Variants in SMIM14 observed in about 807,000 individuals in gnomAD.
SMIM14 encodes the protein chromosome 4 open reading frame 34.
A neutral mutation model predicts 12.6 loss-of-function variants in SMIM14; 5 were observed. The observed-to-expected ratio is 0.40, with a 90% CI of 0.21 to 0.83. The LOEUF is 0.83. SMIM14 is among the 40% of genes least tolerant of loss of function. The pLI is 0.37. For synonymous variants in SMIM14, 30 were observed against 40.1 expected (o/e 0.75, Z 0.95); for missense variants, 86 against 119.1 (o/e 0.72, Z 1.29).
intron 3 of SMIM14, among the ~76,000 whole-genome samples, chr4:39,560,660 A>G (rs928247161): frequency 6.6e-6 from 1 of 151,878 alleles, no homozygotes; most frequent in African/African-American, 2.4e-5. Context: ...AAACAAAACA[A>G]AATGCAGAAA....
chr4:39,622,660 C>A (rs995535712), intron 1 of SMIM14, among the ~76,000 whole-genome samples: 2 of 152,148 alleles, frequency 1.3e-5, no homozygotes, highest in Non-Finnish European at 2.9e-5. Flanking sequence ...TCTGCCTCCC[C>A]AAGTGTTGGG....
chr4:39,598,430 CAT>C (rs1373729863), intron 2 of SMIM14, among the ~76,000 whole-genome samples: 3 of 152,288 alleles, frequency 2.0e-5, no homozygotes, highest in East Asian at 3.9e-4. Flanking sequence ...TGCTTACCTC[CAT>C]GTCTTTTATA....
intron 2 of SMIM14, among the ~76,000 whole-genome samples, chr4:39,586,668 TAAA>T (rs1713797190): frequency 6.6e-6 from 1 of 152,068 alleles, no homozygotes; most frequent in Non-Finnish European, 1.5e-5. Flanking sequence ...AGCATGCACT[TAAA>T]AACTCTTCCA....
intron 1 of SMIM14, among the ~76,000 whole-genome samples, chr4:39,636,708 ACC>A (rs11323441): frequency 1.3e-5 from 2 of 149,708 alleles, no homozygotes; most frequent in African/African-American, 4.9e-5. Flanking sequence ...TTATAAAACA[ACC>A]CCCCCCCAGT....
chr4:39,632,242 G>T (rs1241741605), intron 1 of SMIM14, among the ~76,000 whole-genome samples: 3 of 152,150 alleles, frequency 2.0e-5, no homozygotes, highest in Admixed American at 6.5e-5. Context: ...TGTAATCCCA[G>T]CACTTTGGGA....
intron 1 of SMIM14, among the ~76,000 whole-genome samples, chr4:39,636,276 G>A (rs573647919): frequency 1.2e-4 from 18 of 150,898 alleles, no homozygotes; most frequent in Non-Finnish European, 2.5e-4. Flanking sequence ...TTGGAATAGA[G>A]TATAACTATG....
At chr4:39,593,684 G>C (rs1714220591) in intron 2 of SMIM14, 1 of 151,820 alleles carries the variant, frequency 6.6e-6, no homozygotes, top group East Asian at 1.9e-4. Context: ...TCCTTAAGCT[G>C]ATAAGCAACT....
At chr4:39,599,857 G>T (rs150888466) in intron 2 of SMIM14, among the ~76,000 whole-genome samples, 1,791 of 151,592 alleles carry the variant, frequency 0.012, 32 homozygotes, top group African/African-American at 0.041. Context: ...GGGAAGCGGA[G>T]GTTGCAGTGA....
In SMIM14 at chr4:39,587,669, G is replaced by A. The variant is rs146234580; in HGVS notation, c.76-15206C>T. ...GCCTGTAATCCTAACACTTTGGGAG[G>A]TCAAGGCAGGAGGAACGCTTGAGCC... is the stretch of plus-strand genomic sequence containing the variant. On this transcript the variant is annotated intron_variant, in intron 2 of 4. Transcript: ENST00000295958. 2.8e-4 allele frequency among the ~76,000 whole-genome samples: 43 copies of A among 152,202 alleles called. 1 individual carries two copies. Among genetic ancestry groups the A allele is most frequent in the African/African-American group, 1.0e-3 (43 of 41,530 alleles).
intron 1 of SMIM14, among the ~76,000 whole-genome samples, chr4:39,629,383 C>T (rs9759532): frequency 1.7e-5 from 2 of 118,328 alleles, no homozygotes; most frequent in Admixed American, 1.2e-4. Flanking sequence ...AAAAAAGATA[C>T]ATATATATAT....
chr4:39,597,651 CCAGA>C (rs1714428763), intron 2 of SMIM14, among the ~76,000 whole-genome samples: 1 of 151,858 alleles, frequency 6.6e-6, no homozygotes, highest in African/African-American at 2.4e-5. Flanking sequence ...ACCATGTTGG[CCAGA>C]CTGTCACTGG....
intron 2 of SMIM14, chr4:39,584,089 T>C (rs1299029343): frequency 1.3e-5 from 2 of 152,018 alleles, no homozygotes; most frequent in Non-Finnish European, 2.9e-5. Flanking sequence ...ATCACATCTC[T>C]GCAGAAGCCC....
rs142268159 is a variant in SMIM14 at position 39,551,724 on chromosome 4, TG to T, written c.*401del. ...CCCAAATAACTTTATAAATACCTTA[TG>T]AAAAAAAGCAATTTAAAAACCTATC... On this transcript the variant is annotated 3_prime_UTR_variant, in exon 5 of 5. Transcript: ENST00000295958. 6,655 of 154,440 alleles carry T rather than the reference TG, an allele frequency of 0.043. 175 individuals are homozygous for T. The highest frequency in any genetic ancestry group is 0.068 in the Non-Finnish European group (4,707 of 69,226). 9.6% of individuals were successfully genotyped at this position (154,440 alleles called of 1,614,324 possible).
intron 2 of SMIM14, among the ~76,000 whole-genome samples, chr4:39,597,438 ATT>A (rs869157163): frequency 2.2e-4 from 26 of 116,548 alleles, no homozygotes; most frequent in Admixed American, 2.8e-4. Flanking sequence ...CACTGGTGGT[ATT>A]TTTTTTTTTT....
chr4:39,623,182 G>C (rs560035870), intron 1 of SMIM14, among the ~76,000 whole-genome samples: 194 of 152,214 alleles, frequency 1.3e-3, no homozygotes, highest in Non-Finnish European at 2.0e-3. Context: ...CTGGGGTCTA[G>C]TTTAAAATAA....
intron 2 of SMIM14, among the ~76,000 whole-genome samples, chr4:39,580,235 G>A (rs1713427751): frequency 6.6e-6 from 1 of 152,090 alleles, no homozygotes; most frequent in African/African-American, 2.4e-5. Flanking sequence ...AGCTAGTGTA[G>A]TGGCTTGATT....
Position 39,638,518 on chromosome 4 carries a change from T to C in SMIM14, c.-36+221A>G, listed in dbSNP as rs528969242. On this transcript the variant is annotated intron_variant, in intron 1 of 4. Transcript: ENST00000295958. ...CCCGACTCTGACATCCTGCAGAGAA[T>C]ACCCAATTGCAGGCTCTTCGCGGGG... 5.1e-6 allele frequency: 5 copies of C among 985,442 alleles called. No individual in the cohort carries two copies. In the East Asian group the frequency reaches 4.5e-4, roughly 89 times the overall value. The allele number at this position is 985,442 out of a possible 1,614,324, so 61.0% of individuals were successfully genotyped here.
intron 3 of SMIM14, among the ~76,000 whole-genome samples, chr4:39,560,250 CTTTT>C (rs773257583): frequency 7.1e-6 from 1 of 140,754 alleles, no homozygotes; most frequent in Non-Finnish European, 1.5e-5. Context: ...CTTTTCTTTT[CTTTT>C]TTTTTTTTTT....
intron 2 of SMIM14, among the ~76,000 whole-genome samples, chr4:39,596,646 T>C (rs1219919170): frequency 1.3e-5 from 2 of 152,206 alleles, no homozygotes; most frequent in African/African-American, 4.8e-5. Flanking sequence ...GTTTGAGGTA[T>C]ATCCCTTTGA....
Sources: gnomAD v4.1 joint callset for allele counts (sites outside exome capture counted in the v4.1 genomes callset) on GRCh38, gnomAD v4.1.1 for gene constraint, MANE v1.5 for transcripts, NCBI Gene and HGNC (gene_info 2026-07-23, HGNC 2026-07-21) for gene names.